Variants in FOCAD observed in about 807,000 individuals in gnomAD.
FOCAD encodes KIAA1797.
A neutral mutation model predicts 225.6 loss-of-function variants in FOCAD; 198 were observed. That is an observed-to-expected ratio of 0.88 (90% CI 0.78 to 0.99). The LOEUF is 0.99. Among genes scored for constraint, FOCAD ranks in the 50% least tolerant of loss-of-function variants. FOCAD has a pLI of 0.00. For synonymous variants in FOCAD, 897 were observed against 755.0 expected, an observed-to-expected ratio of 1.19 and a Z score of -3.08; for missense variants, 2,713 against 2,123.6, an observed-to-expected ratio of 1.28 and a Z score of -5.46.
intron 21 of FOCAD, among the ~76,000 whole-genome samples, chr9:20,904,670 T>G (rs977816813): frequency 3.2e-4 from 48 of 152,042 alleles, no homozygotes; most frequent in African/African-American, 1.1e-3. Flanking sequence ...TAGCTGTCAT[T>G]GCAAGAGTAT....
chr9:20,711,730 T>A (rs999061329), intron 1 of FOCAD, among the ~76,000 whole-genome samples: 2 of 152,222 alleles, frequency 1.3e-5, no homozygotes, highest in Non-Finnish European at 2.9e-5. Context: ...TTGTTTTTGA[T>A]GTCCCTAATT....
intron 9 of FOCAD, 22 bp from the exon 10 acceptor site, chr9:20,781,705 G>A (rs1304486085): frequency 1.9e-6 from 3 of 1,607,292 alleles, no homozygotes; most frequent in South Asian, 1.1e-5. Context: ...TTAAAAATGT[G>A]CATTATTGTT....
rs146665480 is a variant in FOCAD, at chr9:20,720,411, G to A, written c.164G>A (p.Cys55Tyr). 6.2e-7 allele frequency: 1 copy of A among 1,614,110 alleles called. No individual in the cohort carries two copies. Among genetic ancestry groups the A allele is most frequent in the African/African-American group, 1.3e-5 (1 of 75,026 alleles). The stretch of plus-strand genomic sequence containing the variant: ...GCTTTGAACTTGCTGTGGGAGAAGT[G>A]TTGCAGTGACAATGTAGTGGTTCGA... ...TPALNLLWEKCCSDNVVVRTA... is the reference protein window; with the variant it reads ...TPALNLLWEKYCSDNVVVRTA... The change falls in exon 4 of 44, where the codon TGT becomes TAT. Residue 55 changes from cysteine (C) to tyrosine (Y), a missense_variant. Cys to Tyr is a radical substitution (Grantham distance 194). Coordinates refer to ENST00000338382, the MANE Select transcript of FOCAD (RefSeq NM_001375567.1).
chr9:20,995,760 C>T lies in FOCAD; in HGVS notation c.*131C>T. ...AGAGTTAAGGGTCATGAAAAGATGG[C>T]CACATCACTGACAGCTTGACACATG... On this transcript the variant is annotated 3_prime_UTR_variant, in exon 44 of 44. Transcript: ENST00000338382. 1.4e-6 allele frequency: 1 copy of T among 734,272 alleles called. No individual in the cohort carries two copies. 45.5% of individuals were successfully genotyped at this position (734,272 alleles called of 1,614,324 possible).
At chr9:20,700,304 A>C (rs537356228) in intron 1 of FOCAD, among the ~76,000 whole-genome samples, 324 of 152,294 alleles carry the variant, frequency 2.1e-3, no homozygotes, top group Admixed American at 3.5e-3. Context: ...CTTATGTTGT[A>C]TTAAAGTAAC....
At chr9:20,895,044 A>G (rs550405354) in intron 21 of FOCAD, among the ~76,000 whole-genome samples, 25 of 152,118 alleles carry the variant, frequency 1.6e-4, no homozygotes, top group Middle Eastern at 3.4e-3. Context: ...TTTTGCATCA[A>G]GATATCTGGT....
At chr9:20,667,063 TCA>T (rs1162859405) in intron 2 of FOCAD, among the ~76,000 whole-genome samples, 4 of 152,234 alleles carry the variant, frequency 2.6e-5, no homozygotes, top group East Asian at 1.9e-4. Context: ...TTGGCAAATT[TCA>T]CAGTTTCCTC....
At chr9:20,752,207 A>G (rs1328158974) in intron 5 of FOCAD, among the ~76,000 whole-genome samples, 3 of 151,544 alleles carry the variant, frequency 2.0e-5, no homozygotes, top group African/African-American at 7.3e-5. Context: ...CATTGCTTCC[A>G]GTGTTTTAGA....
Position 20,866,917 on chromosome 9 carries a change from T to TTTTAAACA in FOCAD, c.2107-12_2107-11insTTTAAACA. The TTTTAAACA allele has an allele frequency of 1.3e-6, 1 of 764,972 alleles. No individual in the cohort carries two copies. Among genetic ancestry groups the TTTTAAACA allele is most frequent in the Non-Finnish European group, 2.0e-6 (1 of 498,468 alleles). 47.4% of individuals were successfully genotyped at this position (764,972 alleles called of 1,614,324 possible). On this transcript the variant is annotated splice_polypyrimidine_tract_variant and intron_variant, in intron 17 of 43. Transcript: ENST00000338382. ...TTTTTTTTTTTTTTTTTTTTTTTTT[T>TTTTAAACA]ACCCTATCTAGGACCCAATTGTAGC...
chr9:20,793,408 A>G (rs1350274098), intron 11 of FOCAD, among the ~76,000 whole-genome samples: 4 of 152,178 alleles, frequency 2.6e-5, no homozygotes, highest in African/African-American at 4.8e-5. Context: ...CAAAAAGCCT[A>G]GAGTTTATAC....
intron 10 of FOCAD, among the ~76,000 whole-genome samples, chr9:20,788,985 AT>A (rs377058825): frequency 9.8e-4 from 144 of 146,370 alleles, no homozygotes; most frequent in Admixed American, 1.3e-3. Flanking sequence ...CAAATACAGT[AT>A]TTTTTTTTTT....
intron 5 of FOCAD, among the ~76,000 whole-genome samples, chr9:20,753,852 G>A (rs147476623): frequency 1.6e-3 from 238 of 152,006 alleles, no homozygotes; most frequent in Non-Finnish European, 2.8e-3. Flanking sequence ...AACTTGTATA[G>A]GTTATTGTCT....
chr9:20,663,216 C>T lies in FOCAD; in HGVS notation c.-78+4390C>T, dbSNP rs192688949. On this transcript the variant is annotated intron_variant, in intron 2 of 45. Coordinates refer to the FOCAD transcript ENST00000380249. ...AGCCTGGGCAACATAGTGAGACTGC[C>T]TCTACAAAAAAATAAAAAACAAAAA... Among the ~76,000 whole-genome samples, 681 of 151,834 alleles carry T rather than the reference C, an allele frequency of 4.5e-3. 4 individuals are homozygous for T. Among genetic ancestry groups the T allele is most frequent in the African/African-American group, 0.016 (652 of 41,370 alleles).
Position 20,717,866 on chromosome 9 carries a change from C to T in FOCAD, c.130C>T (p.Gln44Ter). The T allele has an allele frequency of 1.9e-6, 3 of 1,611,164 alleles. No homozygotes were observed. Among genetic ancestry groups the T allele is most frequent in the Non-Finnish European group, 2.5e-6 (3 of 1,178,296 alleles). ...AGAAAAGATTCACCAATCTACAAATCAGGTCTGTGTTTAACTTTATGCTTT... is the reference window on the plus strand; with the variant it reads ...AGAAAAGATTCACCAATCTACAAATTAGGTCTGTGTTTAACTTTATGCTTT... Reference protein sequence around the residue: ...FSEKIHQSTNQTPALNLLWEK... With the variant: ...FSEKIHQSTN The change falls in exon 3 of 44, where the codon CAG becomes TAG. Residue 44 changes from glutamine to a stop codon, truncating the protein, a stop_gained and splice_region_variant. Transcript: ENST00000338382. LOFTEE classifies it high-confidence loss of function.
intron 15 of FOCAD, among the ~76,000 whole-genome samples, chr9:20,832,832 G>A (rs561241932): frequency 1.3e-5 from 2 of 151,850 alleles, no homozygotes; most frequent in Non-Finnish European, 2.9e-5. Flanking sequence ...TATGTATTAC[G>A]TTTTCTTTAT....
intron 15 of FOCAD, 113 bp from the exon 16 acceptor site, chr9:20,862,465 A>G: frequency 1.7e-6 from 2 of 1,196,588 alleles, no homozygotes; most frequent in Non-Finnish European, 2.3e-6. Flanking sequence ...TCTTCTAGGC[A>G]TAGTCTTATT....
rs114940565 is a variant in FOCAD at position 20,867,593 on chromosome 9, A to G, written c.2190+581A>G. 8.3e-3 allele frequency among the ~76,000 whole-genome samples: 1,256 copies of G among 152,146 alleles called. 22 individuals are homozygous for G. Among genetic ancestry groups the G allele is most frequent in the African/African-American group, 0.029 (1,187 of 41,550 alleles). On this transcript the variant is annotated intron_variant, in intron 18 of 43. Transcript: ENST00000338382. ...ATTATCTTAGTTTTTAGACTAAACT[A>G]AAAACATATAACCTCTTCTAGTATC...
At chr9:20,679,521 C>T (rs1042655402), upstream of FOCAD, among the ~76,000 whole-genome samples, 4 of 152,006 alleles carry the variant, frequency 2.6e-5, no homozygotes, top group African/African-American at 9.7e-5. Context: ...TTTTTGTTAG[C>T]ATATTCTTTT....
intron 8 of FOCAD, among the ~76,000 whole-genome samples, chr9:20,776,303 A>G (rs533753518): frequency 6.6e-6 from 1 of 152,346 alleles, no homozygotes; most frequent in Non-Finnish European, 1.5e-5. Flanking sequence ...CAAGAGGTGC[A>G]TGGTGGAGCT....
Sources: allele counts gnomAD v4.1 joint callset (sites outside exome capture counted in the v4.1 genomes callset), GRCh38; gene constraint gnomAD v4.1.1; transcripts MANE v1.5; gene names NCBI Gene and HGNC (gene_info 2026-07-23, HGNC 2026-07-21).